KLHL1: variants seen among roughly 807,000 people sequenced by gnomAD.
The protein encoded by KLHL1 is kelch like family member 1.
A neutral mutation model predicts 77.7 loss-of-function variants in KLHL1; 47 were observed. The ratio of observed to expected loss-of-function variants is 0.60; its 90% CI spans 0.48 to 0.77. The LOEUF (loss-of-function observed/expected upper bound fraction) is 0.77. Ranked by LOEUF, KLHL1 falls within the 30% of genes least tolerant of loss-of-function variation. KLHL1 has a pLI of 0.00. For missense variants in KLHL1, 925 were observed against 910.8 expected (o/e 1.02, Z -0.20); for synonymous variants, 360 against 325.2 (o/e 1.11, Z -1.15).
chr13:70,011,811 G>T (rs1208183985), intron 1 of KLHL1, among the ~76,000 whole-genome samples: 2 of 152,032 alleles, frequency 1.3e-5, no homozygotes, highest in Admixed American at 1.3e-4. Context: ...AAATTTGGGG[G>T]TTCCGTATTT....
At chr13:69,957,391 T>C (rs1255432864) in intron 3 of KLHL1, among the ~76,000 whole-genome samples, 2 of 151,764 alleles carry the variant, frequency 1.3e-5, no homozygotes, top group Admixed American at 6.6e-5. Context: ...CAGTTTTCTA[T>C]ACAGATGGTT....
Position 69,863,235 on chromosome 13 carries a change from C to CA in KLHL1, c.1227+19047dup, listed in dbSNP as rs1171159781. ...TTTCTCATATATTCTAATCAGTACT[C>CA]AGAGATACTGAAATGATAAGATATT... On this transcript the variant is annotated intron_variant, in intron 5 of 10. Coordinates refer to ENST00000377844, the MANE Select transcript of KLHL1 (RefSeq NM_020866.3). Among the ~76,000 whole-genome samples the CA allele has an allele frequency of 2.0e-5, 3 of 151,888 alleles. No individual in the cohort carries two copies. In the East Asian group the frequency reaches 5.8e-4, roughly 30 times the overall value.
chr13:69,924,306 T>A (rs7985099), intron 4 of KLHL1, among the ~76,000 whole-genome samples: 57,905 of 151,970 alleles, frequency 0.38, 11,348 homozygotes, highest in Non-Finnish European at 0.43. Flanking sequence ...TGGAACAGAA[T>A]GGGAACTTAC....
At chr13:69,844,917 T>C (rs1593881589) in intron 5 of KLHL1, among the ~76,000 whole-genome samples, 1 of 151,602 alleles carries the variant, frequency 6.6e-6, no homozygotes, top group African/African-American at 2.4e-5. Context: ...TGTTCCTATG[T>C]CAATTTATGG....
chr13:69,825,221 A>G (rs1878499146), intron 6 of KLHL1, among the ~76,000 whole-genome samples: 1 of 152,116 alleles, frequency 6.6e-6, no homozygotes, highest in African/African-American at 2.4e-5. Context: ...CAGGCTACTG[A>G]GAAGCCAGGG....
At chr13:69,835,541 GCTGACATGGCT>G (rs1566306619) in intron 6 of KLHL1, among the ~76,000 whole-genome samples, 1 of 152,074 alleles carries the variant, frequency 6.6e-6, no homozygotes, top group Non-Finnish European at 1.5e-5. Flanking sequence ...GTTAAAGGGG[GCTGACATGGCT>G]CTAAGTTACT....
In KLHL1 at chr13:70,020,811, A is replaced by ATG. The variant is rs774390768; in HGVS notation, c.498-45010_498-45009insCA. Among the ~76,000 whole-genome samples, 67 of 152,292 alleles carry ATG rather than the reference A, an allele frequency of 4.4e-4. No homozygotes were observed. In the East Asian group the frequency reaches 0.011, roughly 26 times the overall value. ...GAGATATATATGTATATGCATACAT[A>ATG]CACATACACATATATATTCATTTTT... On this transcript the variant is annotated intron_variant, in intron 1 of 10. Coordinates refer to ENST00000377844, the MANE Select transcript of KLHL1 (RefSeq NM_020866.3).
intron 7 of KLHL1, among the ~76,000 whole-genome samples, chr13:69,781,633 T>C (rs1001329508): frequency 4.6e-5 from 7 of 152,186 alleles, no homozygotes; most frequent in African/African-American, 1.4e-4. Flanking sequence ...TCCCTCAGTA[T>C]GGGAGATATT....
intron 4 of KLHL1, among the ~76,000 whole-genome samples, chr13:69,912,057 A>C (rs1490580235): frequency 6.6e-6 from 1 of 152,154 alleles, no homozygotes; most frequent in Non-Finnish European, 1.5e-5. Context: ...GAAGAGTCTC[A>C]ACTTGTTAAG....
chr13:69,782,694 C>G (rs2138008188), intron 7 of KLHL1, among the ~76,000 whole-genome samples: 1 of 152,336 alleles, frequency 6.6e-6, no homozygotes, highest in Non-Finnish European at 1.5e-5. Flanking sequence ...CACCACAGCT[C>G]AAGGAGGCCT....
intron 1 of KLHL1, among the ~76,000 whole-genome samples, chr13:70,051,506 A>C (rs540090530): frequency 6.6e-6 from 1 of 152,198 alleles, no homozygotes; most frequent in South Asian, 2.1e-4. Context: ...ACCATAAAGA[A>C]GTGCGTGGAT....
intron 1 of KLHL1, among the ~76,000 whole-genome samples, chr13:70,090,700 T>C (rs1393089552): frequency 1.3e-5 from 2 of 152,026 alleles, no homozygotes; most frequent in African/African-American, 4.8e-5. Context: ...GCACCATGGA[T>C]AGTATTATAA....
intron 5 of KLHL1, among the ~76,000 whole-genome samples, chr13:69,874,013 G>C (rs1880677101): frequency 6.6e-6 from 1 of 152,100 alleles, no homozygotes; most frequent in Admixed American, 6.6e-5. Context: ...AGTCATGATG[G>C]GTGACCACCT....
chr13:69,881,818 T>A (rs1881001987), intron 5 of KLHL1, among the ~76,000 whole-genome samples: 1 of 152,200 alleles, frequency 6.6e-6, no homozygotes, highest in Non-Finnish European at 1.5e-5. Context: ...GTATGTTTTA[T>A]TCCTCTGCAG....
chr13:69,961,196 A>C (rs1884052552), intron 3 of KLHL1, 112 bp downstream of exon 3: 2 of 995,544 alleles, frequency 2.0e-6, no homozygotes, highest in Non-Finnish European at 2.9e-6. Context: ...TTTTCAACTG[A>C]AAAGATACAG....
intron 1 of KLHL1, among the ~76,000 whole-genome samples, chr13:70,076,554 G>T (rs1336579609): frequency 6.6e-6 from 1 of 151,184 alleles, no homozygotes; most frequent in Non-Finnish European, 1.5e-5. Context: ...CATGACCTCG[G>T]GTTTGACAAT....
intron 4 of KLHL1, among the ~76,000 whole-genome samples, chr13:69,884,972 C>G (rs1881151752): frequency 7.9e-6 from 1 of 127,010 alleles, no homozygotes; most frequent in Non-Finnish European, 1.6e-5. Context: ...CTCGCTCTGT[C>G]GCCCAGGCCG....
intron 9 of KLHL1, 72 bp from the exon 10 acceptor site, chr13:69,707,868 T>A: frequency 7.7e-7 from 1 of 1,301,478 alleles, no homozygotes; most frequent in Non-Finnish European, 1.0e-6. Flanking sequence ...ATTTTACTTT[T>A]TACAAAGCCT....
intron 6 of KLHL1, among the ~76,000 whole-genome samples, chr13:69,801,367 A>T (rs1348366436): frequency 6.6e-6 from 1 of 152,226 alleles, no homozygotes; most frequent in Non-Finnish European, 1.5e-5. Flanking sequence ...AATAATGTTT[A>T]AGTACATAAA....
Sources: gnomAD v4.1 joint callset for allele counts (sites outside exome capture counted in the v4.1 genomes callset) on GRCh38, gnomAD v4.1.1 for gene constraint, MANE v1.5 for transcripts, NCBI Gene and HGNC (gene_info 2026-07-23, HGNC 2026-07-21) for gene names.